Variants in CSTL1 observed in about 807,000 individuals in gnomAD.
CSTL1 encodes the protein cystatin-like 1.
Under a neutral mutation model 14.4 loss-of-function variants are expected in CSTL1, and 14 were observed. That is an observed-to-expected ratio of 0.97 (90% CI 0.64 to 1.52). CSTL1 has a LOEUF of 1.52. Ranked by LOEUF, CSTL1 falls within the 40% of genes most tolerant of loss-of-function variation. The probability of loss-of-function intolerance (pLI) is 0.00; values close to 1 mark genes in which losing one functional copy is unlikely to be tolerated. For synonymous variants in CSTL1, 72 were observed against 67.5 expected (o/e 1.07, Z -0.33); for missense variants, 170 against 168.7 (o/e 1.01, Z -0.04).
At chr20:23,441,689 A>G (rs1049113449) in intron 2 of CSTL1, among the ~76,000 whole-genome samples, 3 of 152,346 alleles carry the variant, frequency 2.0e-5, no homozygotes, top group South Asian at 2.1e-4. Context: ...AATGTTCAGT[A>G]TACAGGCAAC....
At chr20:23,454,219 A>C in the CSTL1 span, among the ~76,000 whole-genome samples, 10 of 150,710 alleles carry the variant, frequency 6.6e-5, no homozygotes, top group Non-Finnish European at 1.3e-4. Flanking sequence ...ATAGACACAC[A>C]ACACACACCT....
chr20:23,448,104 G>C (rs1987003713), downstream of CSTL1, among the ~76,000 whole-genome samples: 1 of 151,984 alleles, frequency 6.6e-6, no homozygotes, highest in Non-Finnish European at 1.5e-5. Context: ...AACATCTTCT[G>C]TGGTGATTTC....
chr20:23,440,822 T>C, intron 2 of CSTL1: 2 of 365,484 alleles, frequency 5.5e-6, no homozygotes, highest in Non-Finnish European at 1.1e-5. Context: ...AATGGCATGA[T>C]CTTGGCTCAC....
the CSTL1 span, chr20:23,452,892 G>C: frequency 8.7e-7 from 1 of 1,145,358 alleles, no homozygotes; most frequent in African/African-American, 1.5e-5. Flanking sequence ...TACCTGCCCT[G>C]GCAGGATTTA....
intron 2 of CSTL1, among the ~76,000 whole-genome samples, chr20:23,443,215 C>A (rs1986878964): frequency 6.6e-6 from 1 of 152,228 alleles, no homozygotes; most frequent in Non-Finnish European, 1.5e-5. Flanking sequence ...TGTGTTCTGT[C>A]ACTCTCCTAA....
downstream of CSTL1, among the ~76,000 whole-genome samples, chr20:23,447,975 G>A (rs1349719833): frequency 6.6e-6 from 1 of 151,860 alleles, no homozygotes; most frequent in East Asian, 1.9e-4. Context: ...TGGTCTAATT[G>A]TACTATTTCT....
the CSTL1 span, among the ~76,000 whole-genome samples, chr20:23,454,319 AACAC>A: frequency 6.7e-6 from 1 of 150,158 alleles, no homozygotes; most frequent in Non-Finnish European, 1.5e-5. Flanking sequence ...CTCACACTGA[AACAC>A]ACAGACACAC....
the CSTL1 span, chr20:23,452,486 A>C: frequency 1.8e-5 from 14 of 791,788 alleles, no homozygotes; most frequent in East Asian, 3.4e-4. Context: ...CAAGCTAAGC[A>C]AGGTTGAATT....
At chr20:23,452,219 T>C in the CSTL1 span, among the ~76,000 whole-genome samples, 2 of 152,364 alleles carry the variant, frequency 1.3e-5, no homozygotes, top group African/African-American at 4.8e-5. Flanking sequence ...GGCTACATAG[T>C]AAACATCTTA....
At chr20:23,451,893 TC>T in the CSTL1 span, 1 of 1,613,942 alleles carries the variant, frequency 6.2e-7, no homozygotes, top group Non-Finnish European at 8.5e-7. Context: ...ATTTCCACAT[TC>T]AGGTGATACT....
chr20:23,440,520 C>T (rs189063651), intron 2 of CSTL1, 34 bp downstream of exon 2: 2 of 1,498,974 alleles, frequency 1.3e-6, no homozygotes, highest in East Asian at 4.5e-5. Flanking sequence ...CATCAGCAGG[C>T]CCTGTTCTTG....
chr20:23,440,276 C>T lies in CSTL1; in HGVS notation c.9C>T (p.Ile3=), dbSNP rs551757716. The T allele has an allele frequency of 3.3e-5, 54 of 1,613,894 alleles. No homozygotes were observed. The highest frequency in any genetic ancestry group is 1.5e-4 in the South Asian group (14 of 91,086). MG[I]GCWRNPLLLL... ...TTTCTGAGGCTGTAGACATGGGGAT[C>T]GGATGCTGGAGAAACCCCCTGCTGC... The change falls in exon 2 of 4, where the codon ATC becomes ATT. Residue 3 remains isoleucine, a synonymous_variant. Transcript: ENST00000347397.
At chr20:23,443,397 G>A (rs1348564674) in intron 2 of CSTL1, among the ~76,000 whole-genome samples, 1 of 152,228 alleles carries the variant, frequency 6.6e-6, no homozygotes, top group African/African-American at 2.4e-5. Context: ...GTTTGTAAGT[G>A]AAAAAGCTGA....
the CSTL1 span, among the ~76,000 whole-genome samples, chr20:23,460,779 T>C: frequency 6.6e-6 from 1 of 152,074 alleles, no homozygotes; most frequent in Admixed American, 6.5e-5. Context: ...ATACACCCTG[T>C]GAAAGGAAAT....
chr20:23,445,082 A>G (rs1381911845), downstream of CSTL1, among the ~76,000 whole-genome samples: 1 of 151,946 alleles, frequency 6.6e-6, no homozygotes, highest in Admixed American at 6.6e-5. Flanking sequence ...ACTCACATAC[A>G]TGCACATTCA....
the CSTL1 span, among the ~76,000 whole-genome samples, chr20:23,460,074 G>C: frequency 6.6e-6 from 1 of 152,212 alleles, no homozygotes; most frequent in African/African-American, 2.4e-5. Context: ...AGATGAGAAT[G>C]CCTTTTCCAC....
chr20:23,451,898 T>C, the CSTL1 span: 1 of 1,613,964 alleles, frequency 6.2e-7, no homozygotes, highest in Non-Finnish European at 8.5e-7. Flanking sequence ...CACATTCAGG[T>C]GATACTCCAG....
At position 23,440,219 on chromosome 20, in the gene CSTL1, C is replaced by A. The variant is rs1292081881; in HGVS notation, c.-49C>A. The A allele has an allele frequency of 6.3e-7, 1 of 1,594,782 alleles. No individual in the cohort carries two copies. The highest frequency in any genetic ancestry group is 8.6e-7 in the Non-Finnish European group (1 of 1,164,280). Reference sequence around the variant, plus strand: ...ATGAGTGAACTGCAGCCTGGCACCACCACACCCTGGAAGGTGCAGTTGGGA... The same window carrying A: ...ATGAGTGAACTGCAGCCTGGCACCAACACACCCTGGAAGGTGCAGTTGGGA... On this transcript the variant is annotated 5_prime_UTR_variant, in exon 2 of 4. Transcript: ENST00000347397.
At chr20:23,452,455 C>T in the CSTL1 span, 1 of 687,528 alleles carries the variant, frequency 1.5e-6, no homozygotes, top group Non-Finnish European at 2.6e-6. Flanking sequence ...TGAATTTATG[C>T]TTCTCTTAAA....
Sources: allele counts gnomAD v4.1 joint callset (sites outside exome capture counted in the v4.1 genomes callset), GRCh38; gene constraint gnomAD v4.1.1; transcripts MANE v1.5; gene names NCBI Gene and HGNC (gene_info 2026-07-23, HGNC 2026-07-21).